CDCA7L: variants seen among roughly 807,000 people sequenced by gnomAD.
CDCA7L encodes the protein cell division cycle associated 7 like, also known as cell division cycle-associated 7-like protein.
Under a neutral mutation model 57.4 loss-of-function variants are expected in CDCA7L, and 44 were observed. That is an observed-to-expected ratio of 0.77 (90% CI 0.60 to 0.98). CDCA7L has a LOEUF of 0.98. CDCA7L is among the 50% of genes least tolerant of loss of function. The probability of loss-of-function intolerance (pLI) is 0.00; values close to 1 mark genes in which losing one functional copy is unlikely to be tolerated. For missense variants in CDCA7L, 644 were observed against 580.6 expected, an observed-to-expected ratio of 1.11 and a Z score of -1.12; for synonymous variants, 236 against 202.8, an observed-to-expected ratio of 1.16 and a Z score of -1.39.
intron 1 of CDCA7L, among the ~76,000 whole-genome samples, chr7:21,936,534 T>C (rs1156560958): frequency 6.6e-6 from 1 of 151,864 alleles, no homozygotes; most frequent in African/African-American, 2.4e-5. Context: ...AATCAATTAA[T>C]GTAGTACACC....
chr7:21,908,240 G>T lies in CDCA7L; in HGVS notation c.571C>A (p.Gln191Lys), dbSNP rs1364964545. 6.2e-7 allele frequency: 1 copy of T among 1,613,510 alleles called. No individual in the cohort carries two copies. Among genetic ancestry groups the T allele is most frequent in the South Asian group, 1.1e-5 (1 of 91,048 alleles). Reference sequence around the variant, plus strand: ...GACTCAGAGGTAGAATCTTCCCTTTGTATCACCTGTCTACAGTCTTTCTTT... The same window carrying T: ...GACTCAGAGGTAGAATCTTCCCTTTTTATCACCTGTCTACAGTCTTTCTTT... Reference protein sequence around the residue: ...ERKKDCRQVIQREDSTSESED... With the variant: ...ERKKDCRQVIKREDSTSESED... The change falls in exon 4 of 10, where the codon CAA becomes AAA. Residue 191 changes from glutamine to lysine, a missense_variant. Transcript: ENST00000406877.
At chr7:21,942,113 C>A (rs1232280702) in intron 1 of CDCA7L, among the ~76,000 whole-genome samples, 2 of 152,194 alleles carry the variant, frequency 1.3e-5, no homozygotes, top group Non-Finnish European at 2.9e-5. Flanking sequence ...AACTGACTAT[C>A]TGATCAGTGT....
rs1786301184 is a variant in CDCA7L, at chr7:21,940,342, T to C, written c.24+5439A>G. The C allele has an allele frequency of 7.1e-6, 7 of 980,232 alleles. No individual in the cohort carries two copies. In the South Asian group the frequency reaches 2.4e-4, roughly 33 times the overall value. 60.7% of individuals were successfully genotyped at this position (980,232 alleles called of 1,614,324 possible). ...TGAAAAGTAGAAAACGCTATATAAATGTTAATTAAAAGAGTATATTACTAA... is the reference window on the plus strand; with the variant it reads ...TGAAAAGTAGAAAACGCTATATAAACGTTAATTAAAAGAGTATATTACTAA... On this transcript the variant is annotated intron_variant, in intron 1 of 9. Transcript: ENST00000406877.
chr7:21,909,295 T>C (rs1785239316), intron 3 of CDCA7L, among the ~76,000 whole-genome samples: 1 of 152,134 alleles, frequency 6.6e-6, no homozygotes, highest in South Asian at 2.1e-4. Flanking sequence ...TTAGCAGTGG[T>C]ACAGAGACAG....
chr7:21,929,264 T>C (rs912437091), intron 1 of CDCA7L, among the ~76,000 whole-genome samples: 2 of 152,120 alleles, frequency 1.3e-5, no homozygotes, highest in Non-Finnish European at 2.9e-5. Context: ...CTGAGAGATT[T>C]TGTCACCACC....
At chr7:21,913,106 G>A (rs889865913) in intron 2 of CDCA7L, among the ~76,000 whole-genome samples, 30 of 151,980 alleles carry the variant, frequency 2.0e-4, no homozygotes, top group Admixed American at 1.2e-3. Context: ...ACCCCACTGC[G>A]TTTCCCCGCC....
At chr7:21,919,897 A>G (rs144474894) in intron 1 of CDCA7L, among the ~76,000 whole-genome samples, 75 of 152,300 alleles carry the variant, frequency 4.9e-4, no homozygotes, top group African/African-American at 1.7e-3. Flanking sequence ...CCTTCAGCTA[A>G]CCAGATGATC....
chr7:21,945,884 C>A lies in CDCA7L; in HGVS notation c.-80G>T, dbSNP rs562498503. 12 of 1,463,350 alleles carry A rather than the reference C, an allele frequency of 8.2e-6. No homozygotes were observed. The highest frequency in any genetic ancestry group is 2.7e-5 in the East Asian group (1 of 37,176). 90.6% of individuals were successfully genotyped at this position (1,463,350 alleles called of 1,614,324 possible). A position where few individuals can be genotyped will look rare whatever the true frequency, so the allele number is the denominator to read the frequency against. ...TCACCACGGCCCGGCGCACCAAGAACGCCCCGCGCCCGAGCAGCTAGCGCG... is the reference window on the plus strand; with the variant it reads ...TCACCACGGCCCGGCGCACCAAGAAAGCCCCGCGCCCGAGCAGCTAGCGCG... On this transcript the variant is annotated 5_prime_UTR_variant, in exon 1 of 10. Transcript: ENST00000406877.
rs760133325 is a variant in CDCA7L at position 21,901,022 on chromosome 7, C to G, written c.*1300G>C. The G allele has an allele frequency of 6.2e-7, 1 of 1,605,702 alleles. No homozygotes were observed. Among genetic ancestry groups the G allele is most frequent in the East Asian group, 2.2e-5 (1 of 44,732 alleles). ...TTTGCCATAGGCGCCCGCTGGGACA[C>G]CCAAGCAGGAACCATTGTTGAAGCC... is the stretch of plus-strand genomic sequence containing the variant. On this transcript the variant is annotated 3_prime_UTR_variant, in exon 10 of 10. Transcript: ENST00000406877.
intron 1 of CDCA7L, chr7:21,944,876 A>G (rs1417574986): frequency 7.1e-6 from 1 of 140,674 alleles, no homozygotes; most frequent in East Asian, 2.0e-4. Context: ...AAACAAGTGG[A>G]AAAAAAAAAA....
intron 3 of CDCA7L, among the ~76,000 whole-genome samples, chr7:21,908,747 G>A (rs1435342007): frequency 6.6e-6 from 1 of 152,152 alleles, no homozygotes; most frequent in Admixed American, 6.5e-5. Flanking sequence ...GACAGAAATG[G>A]GTTCCATTCA....
In CDCA7L at chr7:21,901,234, G is replaced by A. The variant is rs1562614917; in HGVS notation, c.*1088C>T. 1.9e-6 allele frequency: 3 copies of A among 1,608,054 alleles called. No individual in the cohort carries two copies. Among genetic ancestry groups the A allele is most frequent in the Non-Finnish European group, 2.5e-6 (3 of 1,177,036 alleles). On this transcript the variant is annotated 3_prime_UTR_variant, in exon 10 of 10. Coordinates refer to ENST00000406877, the MANE Select transcript of CDCA7L (RefSeq NM_018719.5). ...TGCAAAATGGGTTCTGGCTGGAGTG[G>A]CTCTGCTTCTAGAAGCGTAAGGTAA...
In CDCA7L at chr7:21,924,498, C is replaced by T. The variant is rs752474001; in HGVS notation, c.25-7604G>A. 5.9e-5 allele frequency among the ~76,000 whole-genome samples: 9 copies of T among 152,262 alleles called. No individual in the cohort carries two copies. In the East Asian group the frequency reaches 7.7e-4, roughly 13 times the overall value. On this transcript the variant is annotated intron_variant, in intron 1 of 9. Coordinates refer to ENST00000406877, the MANE Select transcript of CDCA7L (RefSeq NM_018719.5). ...TTCCTCTTTAACACACCACGAAGGGCGAGAACTGTTATTTTCTTATGCAAA... is the reference window on the plus strand; with the variant it reads ...TTCCTCTTTAACACACCACGAAGGGTGAGAACTGTTATTTTCTTATGCAAA...
At position 21,902,176 on chromosome 7, in the gene CDCA7L, AACAATCTTTAACAAAAAATAGTAATTTCT is replaced by A; in HGVS notation, c.*117_*145del. 1.3e-6 allele frequency: 1 copy of A among 792,822 alleles called. No homozygotes were observed. The highest frequency in any genetic ancestry group is 2.1e-6 in the Non-Finnish European group (1 of 468,438). 49.1% of individuals were successfully genotyped at this position (792,822 alleles called of 1,614,324 possible). A position where few individuals can be genotyped will look rare whatever the true frequency, so the allele number is the denominator to read the frequency against. On this transcript the variant is annotated 3_prime_UTR_variant, in exon 10 of 10. Coordinates refer to ENST00000406877, the MANE Select transcript of CDCA7L (RefSeq NM_018719.5). ...CCTGAGAAATCTTTGTAAGCATATA[AACAATCTTTAACAAAAAATAGTAATTTCT>A]ACAAAGAATTTCTGTATAAAAACAC...
At chr7:21,944,269 T>C (rs1786434931) in intron 1 of CDCA7L, among the ~76,000 whole-genome samples, 1 of 119,430 alleles carries the variant, frequency 8.4e-6, no homozygotes. Flanking sequence ...TGAAACCCTG[T>C]CTCTACTAAA....
In CDCA7L at chr7:21,900,948, G is replaced by T; in HGVS notation, c.*1374C>A. On this transcript the variant is annotated 3_prime_UTR_variant, in exon 10 of 10. Coordinates refer to ENST00000406877, the MANE Select transcript of CDCA7L (RefSeq NM_018719.5). The stretch of plus-strand genomic sequence containing the variant: ...GTTTATTGCATCAAACAACTTACTT[G>T]ATCATTATCATTAGTAGCAAGCTGC... 1.4e-6 allele frequency: 2 copies of T among 1,390,264 alleles called. No homozygotes were observed. Among genetic ancestry groups the T allele is most frequent in the South Asian group, 1.5e-5 (1 of 66,740 alleles). 86.1% of individuals were successfully genotyped at this position (1,390,264 alleles called of 1,614,324 possible). A position where few individuals can be genotyped will look rare whatever the true frequency, so the allele number is the denominator to read the frequency against.
chr7:21,942,504 C>G (rs1183205958), intron 1 of CDCA7L, among the ~76,000 whole-genome samples: 4 of 152,166 alleles, frequency 2.6e-5, no homozygotes, highest in African/African-American at 9.7e-5. Context: ...TAAAACAAAA[C>G]TGTATACTGG....
intron 1 of CDCA7L, 60 bp downstream of exon 1, chr7:21,945,721 T>G: frequency 6.3e-7 from 1 of 1,595,278 alleles, no homozygotes; most frequent in Non-Finnish European, 8.5e-7. Context: ...CAGGACCGGG[T>G]GGCAAAGGGA....
chr7:21,902,704 G>C, intron 9 of CDCA7L: 4 of 448,366 alleles, frequency 8.9e-6, no homozygotes, highest in Non-Finnish European at 1.2e-5. Flanking sequence ...TTGTTTGTTT[G>C]TTCCTTCCAT....
Sources: gnomAD v4.1 joint callset for allele counts (sites outside exome capture counted in the v4.1 genomes callset) on GRCh38, gnomAD v4.1.1 for gene constraint, MANE v1.5 for transcripts, NCBI Gene and HGNC (gene_info 2026-07-23, HGNC 2026-07-21) for gene names.